The following VPS13B variants were observed in gnomAD, a reference collection of about 807,000 sequenced individuals.
The protein encoded by VPS13B is vacuolar protein sorting 13 homolog B.
A neutral mutation model predicts 426.4 loss-of-function variants in VPS13B; 285 were observed. The ratio of observed to expected loss-of-function variants is 0.67; its 90% CI spans 0.61 to 0.74. VPS13B has a LOEUF of 0.74. Among genes scored for constraint, VPS13B ranks in the 30% least tolerant of loss-of-function variants. VPS13B has a pLI of 0.00. For missense variants in VPS13B, 4,537 were observed against 4,782.6 expected, an observed-to-expected ratio of 0.95 and a Z score of 1.51; for synonymous variants, 1,676 against 1,676.4, an observed-to-expected ratio of 1.00 and a Z score of 0.01.
At chr8:99,617,151 G>C (rs538643399) in intron 33 of VPS13B, among the ~76,000 whole-genome samples, 2 of 152,262 alleles carry the variant, frequency 1.3e-5, no homozygotes, top group East Asian at 3.9e-4. Flanking sequence ...ATTCAGATGA[G>C]TAAATTTGGG....
intron 19 of VPS13B, among the ~76,000 whole-genome samples, chr8:99,363,729 T>A (rs2133243139): frequency 6.6e-6 from 1 of 152,304 alleles, no homozygotes; most frequent in African/African-American, 2.4e-5. Context: ...TTGTAGCTAT[T>A]GTAAATGGGG....
chr8:99,800,984 A>G (rs967605923), intron 43 of VPS13B, among the ~76,000 whole-genome samples: 1 of 152,200 alleles, frequency 6.6e-6, no homozygotes, highest in African/African-American at 2.4e-5. Flanking sequence ...GACACAATGC[A>G]CTGTTTTAAA....
At chr8:99,350,887 A>C (rs1426887265) in intron 19 of VPS13B, among the ~76,000 whole-genome samples, 1 of 151,796 alleles carries the variant, frequency 6.6e-6, no homozygotes, top group Non-Finnish European at 1.5e-5. Context: ...AGTATGAATC[A>C]GGAGATTGTA....
chr8:99,530,996 T>C (rs1822903302), intron 30 of VPS13B, among the ~76,000 whole-genome samples: 1 of 152,226 alleles, frequency 6.6e-6, no homozygotes, highest in Non-Finnish European at 1.5e-5. Flanking sequence ...TTGAAACTTA[T>C]TTTTGAAGTT....
intron 16 of VPS13B, among the ~76,000 whole-genome samples, chr8:99,185,477 G>A (rs1001035752): frequency 6.6e-6 from 1 of 152,100 alleles, no homozygotes; most frequent in Non-Finnish European, 1.5e-5. Context: ...AGTTAGCAAA[G>A]AACTGTACTC....
At chr8:99,151,236 AT>A (rs1355514801) in intron 14 of VPS13B, among the ~76,000 whole-genome samples, 3 of 152,080 alleles carry the variant, frequency 2.0e-5, no homozygotes, top group Admixed American at 1.3e-4. Flanking sequence ...TGTTTTCTTA[AT>A]ATTGAATTTT....
intron 39 of VPS13B, among the ~76,000 whole-genome samples, chr8:99,737,372 G>A (rs957065839): frequency 4.6e-5 from 7 of 151,550 alleles, no homozygotes; most frequent in East Asian, 1.9e-4. Flanking sequence ...CGCCTGCCTC[G>A]GCCTCCCAAA....
At chr8:99,087,196 T>C (rs1845866440) in intron 3 of VPS13B, among the ~76,000 whole-genome samples, 1 of 152,166 alleles carries the variant, frequency 6.6e-6, no homozygotes, top group African/African-American at 2.4e-5. Flanking sequence ...CCTTGCAGTT[T>C]GATCTCAGAC....
At chr8:99,113,678 C>G (rs186635122) in intron 6 of VPS13B, among the ~76,000 whole-genome samples, 1 of 152,120 alleles carries the variant, frequency 6.6e-6, no homozygotes, top group Non-Finnish European at 1.5e-5. Flanking sequence ...GATTCTCCTG[C>G]CTCAGCTTCC....
chr8:99,644,898 G>C (rs563759866), intron 34 of VPS13B, among the ~76,000 whole-genome samples: 1 of 152,124 alleles, frequency 6.6e-6, no homozygotes, highest in East Asian at 1.9e-4. Flanking sequence ...CTGCTTTAAC[G>C]CATTATCTCA....
intron 17 of VPS13B, among the ~76,000 whole-genome samples, chr8:99,204,405 C>T (rs568149310): frequency 6.6e-6 from 1 of 152,048 alleles, no homozygotes; most frequent in Non-Finnish European, 1.5e-5. Context: ...CCACAAAAAC[C>T]CTAGAAGAAA....
rs1469414636 is a variant in VPS13B at position 99,084,291 on chromosome 8, G to A, written c.292-12021G>A. Among the ~76,000 whole-genome samples, 10 of 152,246 alleles carry A rather than the reference G, an allele frequency of 6.6e-5. No individual in the cohort carries two copies. The East Asian group carries it at 1.9e-3, about 29-fold the overall frequency. On this transcript the variant is annotated intron_variant, in intron 3 of 61. Transcript: ENST00000357162. ...GATAGTTTGTATTTCTGTGGGATTG[G>A]TGGTGATATCCCCTTTATCATATTT...
chr8:99,211,502 T>G (rs1411307852), intron 17 of VPS13B, among the ~76,000 whole-genome samples: 1 of 152,190 alleles, frequency 6.6e-6, no homozygotes, highest in Non-Finnish European at 1.5e-5. Context: ...CTTGGTAGAT[T>G]TAGACAAGCT....
At chr8:99,327,395 C>T (rs1038360520) in intron 19 of VPS13B, among the ~76,000 whole-genome samples, 1 of 152,012 alleles carries the variant, frequency 6.6e-6, no homozygotes, top group African/African-American at 2.4e-5. Flanking sequence ...ATATAGGTAG[C>T]CAGTCAAATA....
intron 24 of VPS13B, among the ~76,000 whole-genome samples, chr8:99,470,567 T>A (rs1819348355): frequency 6.6e-6 from 1 of 152,028 alleles, no homozygotes; most frequent in South Asian, 2.1e-4. Flanking sequence ...TTACTAAACT[T>A]GAACATAGAT....
chr8:99,778,621 T>C, intron 41 of VPS13B, 61 bp from the exon 42 acceptor site: 1 of 1,481,414 alleles, frequency 6.8e-7, no homozygotes, highest in Non-Finnish European at 9.4e-7. Context: ...ATTTCACTCT[T>C]TATTTTCACA....
intron 33 of VPS13B, among the ~76,000 whole-genome samples, chr8:99,583,002 CT>C (rs1248561280): frequency 2.6e-5 from 4 of 152,220 alleles, no homozygotes; most frequent in Non-Finnish European, 1.5e-5. Context: ...AAATCTCTGT[CT>C]TCCCTCTCAC....
chr8:99,392,043 C>G (rs1341530872), intron 21 of VPS13B, among the ~76,000 whole-genome samples: 1 of 152,200 alleles, frequency 6.6e-6, no homozygotes, highest in East Asian at 1.9e-4. Flanking sequence ...GCCCTTTGCA[C>G]AGAAGCAGGA....
chr8:99,770,650 C>CAG (rs1811441402), intron 40 of VPS13B, among the ~76,000 whole-genome samples: 1 of 152,186 alleles, frequency 6.6e-6, no homozygotes, highest in African/African-American at 2.4e-5. Flanking sequence ...AGCTAATGTA[C>CAG]AGAGATCTGG....
Sources: allele counts gnomAD v4.1 joint callset (sites outside exome capture counted in the v4.1 genomes callset), GRCh38; gene constraint gnomAD v4.1.1; transcripts MANE v1.5; gene names NCBI Gene and HGNC (gene_info 2026-07-23, HGNC 2026-07-21).